Variants in TNRC6B observed in about 807,000 individuals in gnomAD.
The protein encoded by TNRC6B is trinucleotide repeat-containing gene 6B protein.
Under a neutral mutation model 203.6 loss-of-function variants are expected in TNRC6B, and 52 were observed. The observed-to-expected ratio is 0.26, with a 90% confidence interval of 0.20 to 0.32. The LOEUF (loss-of-function observed/expected upper bound fraction) is 0.32, where lower values mean the gene tolerates loss of function less well. TNRC6B is among the 10% of genes least tolerant of loss of function. The pLI, the probability that TNRC6B is intolerant of heterozygous loss-of-function variation, is 1.00. For missense variants in TNRC6B, 1,923 were observed against 2,286.2 expected, an observed-to-expected ratio of 0.84 and a Z score of 3.24; for synonymous variants, 838 against 845.7, an observed-to-expected ratio of 0.99 and a Z score of 0.16.
chr22:40,309,635 T>G (rs1208804055), intron 16 of TNRC6B, among the ~76,000 whole-genome samples: 1 of 152,220 alleles, frequency 6.6e-6, no homozygotes, highest in Non-Finnish European at 1.5e-5. Flanking sequence ...AGGCTGATGA[T>G]TCACCAGGTC....
chr22:40,266,972 C>A lies in TNRC6B; in HGVS notation c.2742C>A (p.Ser914=). ...ATGTGAATCTGTGGGATAAGAATTC[C>A]CAAGGGGGCCCAGCACCTCGAGAAC... ...YKNVNLWDKN[S]QGGPAPREPN... The change falls in exon 5 of 23, where the codon TCC becomes TCA. Residue 914 remains serine (S), a synonymous_variant. Coordinates refer to ENST00000454349, the MANE Select transcript of TNRC6B (RefSeq NM_001162501.2). 1 of 1,612,800 alleles carries A rather than the reference C, an allele frequency of 6.2e-7. No homozygotes were observed. The highest frequency in any genetic ancestry group is 8.5e-7 in the Non-Finnish European group (1 of 1,179,420).
intron 5 of TNRC6B, among the ~76,000 whole-genome samples, chr22:40,268,815 G>A (rs2070516682): frequency 6.6e-6 from 1 of 151,980 alleles, no homozygotes; most frequent in African/African-American, 2.4e-5. Context: ...GGGAGGCTGA[G>A]GCAGGAGAAT....
At chr22:40,314,001 A>G (rs1188710422) in intron 19 of TNRC6B, among the ~76,000 whole-genome samples, 1 of 152,170 alleles carries the variant, frequency 6.6e-6, no homozygotes, top group Non-Finnish European at 1.5e-5. Flanking sequence ...CCACCACCCT[A>G]CATTACACTT....
chr22:40,312,433 A>C (rs1601515027), intron 17 of TNRC6B, 72 bp from the exon 18 acceptor site: 4 of 1,446,836 alleles, frequency 2.8e-6, no homozygotes, highest in Non-Finnish European at 1.9e-6. Context: ...CCCATTTCTT[A>C]TGTCAAAAAA....
chr22:40,241,897 G>A (rs905709024), intron 1 of TNRC6B, among the ~76,000 whole-genome samples: 1 of 152,168 alleles, frequency 6.6e-6, no homozygotes, highest in African/African-American at 2.4e-5. Context: ...TGATGTTGAT[G>A]TTGTTCCAGA....
chr22:40,101,514 C>T (rs2068241246), intron 1 of TNRC6B, among the ~76,000 whole-genome samples: 1 of 152,230 alleles, frequency 6.6e-6, no homozygotes, highest in East Asian at 1.9e-4. Flanking sequence ...CTCTTCACTC[C>T]CCTTTTAGAT....
intron 1 of TNRC6B, among the ~76,000 whole-genome samples, chr22:40,221,761 C>CCTT (rs11407329): frequency 2.3e-4 from 31 of 134,280 alleles, no homozygotes; most frequent in African/African-American, 8.3e-4. Flanking sequence ...GCCCCCCCCC[C>CCTT]TTTTTTTTTT....
chr22:40,203,794 C>G (rs1302805846), intron 1 of TNRC6B, among the ~76,000 whole-genome samples: 1 of 152,212 alleles, frequency 6.6e-6, no homozygotes, highest in Non-Finnish European at 1.5e-5. Flanking sequence ...ACTGAATATT[C>G]TAGCCCCATC....
intron 1 of TNRC6B, among the ~76,000 whole-genome samples, chr22:40,214,194 G>C (rs2069602275): frequency 6.6e-6 from 1 of 152,096 alleles, no homozygotes; most frequent in Non-Finnish European, 1.5e-5. Context: ...TTGAACCCAG[G>C]GGGCAGAGGT....
upstream of TNRC6B, among the ~76,000 whole-genome samples, chr22:40,177,769 A>G (rs1394669111): frequency 6.6e-6 from 1 of 152,198 alleles, no homozygotes. Context: ...GGAGAGTATG[A>G]GATAACAGCA....
rs190601660 is a variant in TNRC6B, at chr22:40,114,058, G to C, written c.-120-2997G>C. 9.2e-5 allele frequency among the ~76,000 whole-genome samples: 14 copies of C among 152,314 alleles called. No individual in the cohort carries two copies. In the East Asian group the frequency reaches 2.7e-3, roughly 29 times the overall value. On this transcript the variant is annotated intron_variant, in intron 1 of 23. Coordinates refer to the TNRC6B transcript ENST00000301923. ...TCCTGGGAAGACTGGAATGGAAGGAGAGGGGACATTGGTTAAGAGCCTCTC... is the reference window on the plus strand; with the variant it reads ...TCCTGGGAAGACTGGAATGGAAGGACAGGGGACATTGGTTAAGAGCCTCTC...
In TNRC6B at chr22:40,334,655, CA is replaced by C. The variant is rs1468605443; in HGVS notation, c.*11415del. On this transcript the variant is annotated 3_prime_UTR_variant, in exon 23 of 23. Transcript: ENST00000454349. Reference sequence around the variant, plus strand: ...GGGGCTATGTTTACATAGTAAAATACATCCTACCAAATCAGGAAACAGTGAA... The same window carrying C: ...GGGGCTATGTTTACATAGTAAAATACTCCTACCAAATCAGGAAACAGTGAA... 6.6e-6 allele frequency: 1 copy of C among 152,614 alleles called. No individual in the cohort carries two copies. The highest frequency in any genetic ancestry group is 1.5e-5 in the Non-Finnish European group (1 of 68,034). The allele number at this position is 152,614 out of a possible 1,614,324, so 9.5% of individuals were successfully genotyped here. A position where few individuals can be genotyped will look rare whatever the true frequency, so the allele number is the denominator to read the frequency against.
rs1377982930 is a variant in TNRC6B, at chr22:40,259,025, C to T, written c.116-2807C>T. On this transcript the variant is annotated intron_variant, in intron 3 of 22. Coordinates refer to ENST00000454349, the MANE Select transcript of TNRC6B (RefSeq NM_001162501.2). ...ACATAGCTCTTTCTGTCCTAAAAAC[C>T]AGTTGGGATGAATTTCTCCAGTCTC... Among the ~76,000 whole-genome samples the T allele has an allele frequency of 3.9e-5, 6 of 152,228 alleles. No homozygotes were observed. The East Asian group carries it at 1.2e-3, about 29-fold the overall frequency.
chr22:40,080,224 T>G (rs1181569779), intron 1 of TNRC6B, among the ~76,000 whole-genome samples: 1 of 150,770 alleles, frequency 6.6e-6, no homozygotes, highest in Non-Finnish European at 1.5e-5. Flanking sequence ...ATTGCAGGCA[T>G]GAGCTACCAT....
At chr22:40,173,857 G>A (rs2146371511), upstream of TNRC6B, among the ~76,000 whole-genome samples, 1 of 125,648 alleles carries the variant, frequency 8.0e-6, no homozygotes, top group East Asian at 2.4e-4. Context: ...AGGCTGGGGT[G>A]CAGTGGCATG....
intron 1 of TNRC6B, among the ~76,000 whole-genome samples, chr22:40,218,053 C>A (rs997378099): frequency 6.6e-6 from 1 of 151,418 alleles, no homozygotes; most frequent in East Asian, 1.9e-4. Context: ...ACCTATTTGT[C>A]TCAGTGAATT....
chr22:40,321,854 C>T (rs1009196441), intron 22 of TNRC6B: 4 of 152,302 alleles, frequency 2.6e-5, no homozygotes, highest in Non-Finnish European at 5.9e-5. Flanking sequence ...GCTGCTTACT[C>T]CAGCCTCTTT....
At position 40,326,319 on chromosome 22, in the gene TNRC6B, G is replaced by A. The variant is rs2071401606; in HGVS notation, c.*3078G>A. ...TTAAACAATTTTTACTTAAAAAAAT[G>A]TAAAAAGAAAAGTCTCCAAACATTA... is the stretch of plus-strand genomic sequence containing the variant. On this transcript the variant is annotated 3_prime_UTR_variant, in exon 23 of 23. Coordinates refer to ENST00000454349, the MANE Select transcript of TNRC6B (RefSeq NM_001162501.2). The A allele has an allele frequency of 6.6e-6, 1 of 152,472 alleles. No homozygotes were observed. Among genetic ancestry groups the A allele is most frequent in the African/African-American group, 2.4e-5 (1 of 41,422 alleles). 9.4% of individuals were successfully genotyped at this position (152,472 alleles called of 1,614,324 possible). A position where few individuals can be genotyped will look rare whatever the true frequency, so the allele number is the denominator to read the frequency against.
intron 9 of TNRC6B, among the ~76,000 whole-genome samples, chr22:40,279,534 T>A (rs918530671): frequency 6.6e-6 from 1 of 152,228 alleles, no homozygotes; most frequent in African/African-American, 2.4e-5. Context: ...TGTGCCTCTT[T>A]GATCTTTTTA....
Sources: allele counts gnomAD v4.1 joint callset (sites outside exome capture counted in the v4.1 genomes callset), GRCh38; gene constraint gnomAD v4.1.1; transcripts MANE v1.5; gene names NCBI Gene and HGNC (gene_info 2026-07-23, HGNC 2026-07-21).